Variants in PARVA observed in about 807,000 individuals in gnomAD.
The protein encoded by PARVA is parvin alpha.
In PARVA, 25 loss-of-function variants were observed where a neutral mutation model predicts 52.6. That is an observed-to-expected ratio of 0.48 (90% CI 0.35 to 0.66). The LOEUF is 0.66. PARVA is among the 30% of genes least tolerant of loss of function. The pLI is 0.01. For synonymous variants in PARVA, 185 were observed against 179.1 expected (o/e 1.03, Z -0.26); for missense variants, 373 against 450.9 (o/e 0.83, Z 1.56).
intron 8 of PARVA, among the ~76,000 whole-genome samples, chr11:12,512,699 G>A (rs1376653529): frequency 6.6e-6 from 1 of 152,214 alleles, no homozygotes; most frequent in African/African-American, 2.4e-5. Flanking sequence ...GCACATGCTT[G>A]TTCTCACACT....
chr11:12,379,518 GTCT>G (rs1939454759), intron 1 of PARVA, among the ~76,000 whole-genome samples: 2 of 152,228 alleles, frequency 1.3e-5, no homozygotes, highest in East Asian at 1.9e-4. Context: ...CTAACACTAG[GTCT>G]TCTTATATCA....
At chr11:12,463,851 G>A (rs77551536) in intron 1 of PARVA, among the ~76,000 whole-genome samples, 5,037 of 152,054 alleles carry the variant, frequency 0.033, 309 homozygotes, top group African/African-American at 0.11. Context: ...GCTTCAGATT[G>A]TTATAATACA....
intron 12 of PARVA, among the ~76,000 whole-genome samples, chr11:12,525,861 AG>A (rs1426246192): frequency 6.6e-6 from 1 of 151,738 alleles, no homozygotes; most frequent in Admixed American, 6.6e-5. Context: ...AGGGTGGAGC[AG>A]GGTTGGTCTA....
rs1466739923 is a variant in PARVA at position 12,530,241 on chromosome 11, G to C, written c.*2316G>C. The C allele has an allele frequency of 6.6e-6, 1 of 152,094 alleles. No individual in the cohort carries two copies. The highest frequency in any genetic ancestry group is 2.4e-5 in the African/African-American group (1 of 41,384). 9.4% of individuals were successfully genotyped at this position (152,094 alleles called of 1,614,324 possible). On this transcript the variant is annotated 3_prime_UTR_variant, in exon 13 of 13. Coordinates refer to ENST00000334956, the MANE Select transcript of PARVA (RefSeq NM_018222.5). Reference sequence around the variant, plus strand: ...TTCTTTGTCTCAGCCCAGAATCCCAGGTCCTGGGCCTGGTTTTCTAATGCT... The same window carrying C: ...TTCTTTGTCTCAGCCCAGAATCCCACGTCCTGGGCCTGGTTTTCTAATGCT...
At chr11:12,377,535 G>T (rs777301147), upstream of PARVA, 1 of 1,457,476 alleles carries the variant, frequency 6.9e-7, no homozygotes, top group South Asian at 1.3e-5. Context: ...CAAATGCTTG[G>T]AATAATTCCG....
chr11:12,394,143 A>G (rs1384524922), intron 1 of PARVA, among the ~76,000 whole-genome samples: 1 of 152,214 alleles, frequency 6.6e-6, no homozygotes, highest in Admixed American at 6.5e-5. Context: ...TCAGATGAGG[A>G]AGCTGAAGCA....
intron 1 of PARVA, among the ~76,000 whole-genome samples, chr11:12,447,372 C>T (rs1940561946): frequency 6.6e-6 from 1 of 152,156 alleles, no homozygotes; most frequent in South Asian, 2.1e-4. Context: ...CCCATCAGGG[C>T]TGGTGTGTAA....
At position 12,469,050 on chromosome 11, in the gene PARVA, G is replaced by A. The variant is rs1018135180; in HGVS notation, c.137-4695G>A. 1.6e-4 allele frequency among the ~76,000 whole-genome samples: 25 copies of A among 152,242 alleles called. 2 individuals carry two copies. Among genetic ancestry groups the A allele is most frequent in the Admixed American group, 1.2e-3 (19 of 15,294 alleles). ...GGGGTGTATACTGGAACAAAATGAG[G>A]GTTCTTTCAGCAGGGAAAACGGATA... On this transcript the variant is annotated intron_variant, in intron 1 of 12. Transcript: ENST00000334956.
At chr11:12,475,925 G>A (rs1317541983) in intron 3 of PARVA, among the ~76,000 whole-genome samples, 3 of 152,168 alleles carry the variant, frequency 2.0e-5, no homozygotes, top group Non-Finnish European at 4.4e-5. Flanking sequence ...GGAAGAAGAT[G>A]GAACAGTTGA....
chr11:12,441,470 A>C (rs908134740), intron 1 of PARVA, among the ~76,000 whole-genome samples: 3 of 152,134 alleles, frequency 2.0e-5, no homozygotes, highest in Non-Finnish European at 2.9e-5. Context: ...CACAGAATAC[A>C]TTCGGGGGTA....
At chr11:12,503,837 T>G (rs1482766078) in intron 5 of PARVA, among the ~76,000 whole-genome samples, 3 of 152,176 alleles carry the variant, frequency 2.0e-5, no homozygotes, top group Non-Finnish European at 4.4e-5. Flanking sequence ...GTGGATATAT[T>G]AGGCTGTTCA....
intron 5 of PARVA, among the ~76,000 whole-genome samples, chr11:12,498,527 C>G (rs1270271323): frequency 6.6e-6 from 1 of 150,670 alleles, no homozygotes; most frequent in South Asian, 2.1e-4. Flanking sequence ...TCATTTGTTA[C>G]TAGTTACATC....
chr11:12,398,636 C>T (rs990286342), intron 1 of PARVA, among the ~76,000 whole-genome samples: 7 of 151,716 alleles, frequency 4.6e-5, no homozygotes, highest in Non-Finnish European at 1.0e-4. Context: ...TGACCCTGGA[C>T]ATGTCAGTTC....
chr11:12,454,885 T>C (rs1940675738), intron 1 of PARVA, among the ~76,000 whole-genome samples: 1 of 152,244 alleles, frequency 6.6e-6, no homozygotes, highest in Non-Finnish European at 1.5e-5. Context: ...TGTTCAGCTA[T>C]TCAGTCTCAT....
At chr11:12,439,290 C>CGACA (rs1564847130) in intron 1 of PARVA, among the ~76,000 whole-genome samples, 1 of 152,130 alleles carries the variant, frequency 6.6e-6, no homozygotes, top group Non-Finnish European at 1.5e-5. Flanking sequence ...TTCCCCCAAA[C>CGACA]GACACTGCAG....
At chr11:12,498,835 G>C (rs924133682) in intron 5 of PARVA, among the ~76,000 whole-genome samples, 2 of 152,146 alleles carry the variant, frequency 1.3e-5, no homozygotes, top group Non-Finnish European at 2.9e-5. Context: ...GCCTCCCAAA[G>C]TGCCAGGATT....
chr11:12,390,035 T>C (rs887172793), intron 1 of PARVA, among the ~76,000 whole-genome samples: 2 of 152,274 alleles, frequency 1.3e-5, no homozygotes, highest in South Asian at 2.1e-4. Flanking sequence ...AGGCTCTTCA[T>C]GAAAATGCAG....
chr11:12,523,919 G>GAGAT (rs1482392942), intron 12 of PARVA, among the ~76,000 whole-genome samples: 1 of 152,258 alleles, frequency 6.6e-6, no homozygotes, highest in African/African-American at 2.4e-5. Context: ...TCTCCTGGCT[G>GAGAT]AGATAGTCCA....
intron 4 of PARVA, among the ~76,000 whole-genome samples, chr11:12,483,976 A>C (rs374632677): frequency 6.6e-6 from 1 of 152,174 alleles, no homozygotes. Flanking sequence ...ACCCCCTTCC[A>C]GGGTGATTGA....
Sources: allele counts gnomAD v4.1 joint callset (sites outside exome capture counted in the v4.1 genomes callset), GRCh38; gene constraint gnomAD v4.1.1; transcripts MANE v1.5; gene names NCBI Gene and HGNC (gene_info 2026-07-23, HGNC 2026-07-21).